The following ZFYVE26 variants were observed in gnomAD, a reference collection of about 807,000 sequenced individuals.
The protein encoded by ZFYVE26 is zinc finger FYVE domain-containing protein 26.
Under a neutral mutation model 276.5 loss-of-function variants are expected in ZFYVE26, and 181 were observed. The ratio of observed to expected loss-of-function variants is 0.65; its 90% confidence interval spans 0.58 to 0.74. ZFYVE26 has a LOEUF of 0.74. ZFYVE26 is among the 30% of genes least tolerant of loss of function. ZFYVE26 has a pLI of 0.00. For missense variants in ZFYVE26, 2,821 were observed against 3,097.9 expected (o/e 0.91, Z 2.12); for synonymous variants, 1,129 against 1,203.1 (o/e 0.94, Z 1.27).
intron 10 of ZFYVE26, chr14:67,799,162 C>T: frequency 6.4e-7 from 1 of 1,559,108 alleles, no homozygotes; most frequent in Non-Finnish European, 8.8e-7. Context: ...CTTTAGAGGA[C>T]ATTCAAGCTT....
chr14:67,760,415 T>G (rs1048619648), intron 35 of ZFYVE26, among the ~76,000 whole-genome samples: 1 of 152,204 alleles, frequency 6.6e-6, no homozygotes, highest in African/African-American at 2.4e-5. Flanking sequence ...TGGATCAATC[T>G]TAGAAAATAT....
Position 67,761,505 on chromosome 14 carries a change from G to A in ZFYVE26, c.6449C>T (p.Pro2150Leu). The change falls in exon 35 of 42, where the codon CCT (proline) becomes CTT (leucine). Residue 2150 changes from proline (P) to leucine (L), a missense_variant. Transcript: ENST00000347230. The stretch of plus-strand genomic sequence containing the variant: ...GGTGTTGTTCATGATTTTCCCTTCA[G>A]GAATCACTGCCAGAGAAAGGCTCTG... ...RTQSLSLAVI[P>L]EGKIMNNTYY... 1 of 1,614,176 alleles carries A rather than the reference G, an allele frequency of 6.2e-7. No homozygotes were observed. Among genetic ancestry groups the A allele is most frequent in the Non-Finnish European group, 8.5e-7 (1 of 1,180,036 alleles).
chr14:67,811,232 G>T (rs2040294708), intron 3 of ZFYVE26, among the ~76,000 whole-genome samples: 1 of 152,170 alleles, frequency 6.6e-6, no homozygotes, highest in Non-Finnish European at 1.5e-5. Flanking sequence ...CCTAAAGACT[G>T]AGTAGATTAT....
chr14:67,784,266 G>A lies in ZFYVE26; in HGVS notation c.3626+68C>T, dbSNP rs768727619. 1.3e-4 allele frequency: 172 copies of A among 1,338,314 alleles called. 1 individual carries two copies. Among genetic ancestry groups the A allele is most frequent in the Non-Finnish European group, 1.6e-4 (152 of 929,614 alleles). 82.9% of individuals were successfully genotyped at this position (1,338,314 alleles called of 1,614,324 possible). A position where few individuals can be genotyped will look rare whatever the true frequency, so the allele number is the denominator to read the frequency against. On this transcript the variant is annotated intron_variant, in intron 20 of 41. Coordinates refer to ENST00000347230, the MANE Select transcript of ZFYVE26 (RefSeq NM_015346.4). ...TGCTAACCCCAAGCACCACCGCACT[G>A]AGCCCTTGGCTATATTGATGAAATC... is the stretch of plus-strand genomic sequence containing the variant.
Position 67,785,199 on chromosome 14 carries a change from T to C in ZFYVE26, c.3383A>G (p.Gln1128Arg). Residue 1128 changes from glutamine to arginine, a missense_variant, in exon 19 of 42, where the codon CAG becomes CGG. Transcript: ENST00000347230. ...CTTCTGGAGGAGCTGAGTCTGGATC[T>C]GCACAGGGTGGGCCTCTGCCTCTGG... ...KAPEAEAHPV[Q>R]IQTQLLQKNL... 2 of 1,614,144 alleles carry C rather than the reference T, an allele frequency of 1.2e-6. No homozygotes were observed. Among genetic ancestry groups the C allele is most frequent in the African/African-American group, 1.3e-5 (1 of 75,056 alleles).
At chr14:67,798,665 A>G (rs1460350057) in intron 10 of ZFYVE26, 43 bp from the exon 11 acceptor site, 6 of 1,611,084 alleles carry the variant, frequency 3.7e-6, no homozygotes, top group Non-Finnish European at 5.1e-6. Context: ...GAAAGAGAAG[A>G]CAGAGAATGC....
At chr14:67,769,505 G>A in intron 29 of ZFYVE26, 89 bp downstream of exon 29, 4 of 1,570,938 alleles carry the variant, frequency 2.5e-6, no homozygotes, top group Non-Finnish European at 2.6e-6. Context: ...GATTTGAAAT[G>A]CTCTCATAAT....
rs2040001177 is a variant in ZFYVE26, at chr14:67,798,291, G to C, written c.1971C>G (p.Tyr657Ter). Residue 657 changes from tyrosine to a stop codon, truncating the protein, a stop_gained, in exon 11 of 42, where the codon TAC becomes TAG. Transcript: ENST00000347230. LOFTEE classifies it high-confidence loss of function. Reference sequence around the variant, plus strand: ...AAAAGCTGTGCCTATGAGGCCCTGGGTAACTGTCTTTTGGCTCTGCCTTCA... The same window carrying C: ...AAAAGCTGTGCCTATGAGGCCCTGGCTAACTGTCTTTTGGCTCTGCCTTCA... The part of the protein sequence containing the change: ...SHVKAEPKDS[Y>*]PGPHRHSFLD... The C allele has an allele frequency of 2.5e-6, 4 of 1,614,174 alleles. No individual in the cohort carries two copies. Among genetic ancestry groups the C allele is most frequent in the Non-Finnish European group, 3.4e-6 (4 of 1,180,022 alleles).
chr14:67,792,469 T>G (rs1018352305), intron 14 of ZFYVE26, among the ~76,000 whole-genome samples: 3 of 152,200 alleles, frequency 2.0e-5, no homozygotes, highest in African/African-American at 7.2e-5. Flanking sequence ...AACCAGGTAT[T>G]ACATTTAACT....
intron 14 of ZFYVE26, among the ~76,000 whole-genome samples, chr14:67,792,663 G>T: frequency 6.6e-6 from 1 of 152,122 alleles, no homozygotes; most frequent in Non-Finnish European, 1.5e-5. Context: ...TGTAATCCCA[G>T]CATTTTGGGA....
intron 16 of ZFYVE26, among the ~76,000 whole-genome samples, chr14:67,787,616 C>T (rs2039691778): frequency 6.6e-6 from 1 of 152,134 alleles, no homozygotes; most frequent in Admixed American, 6.5e-5. Context: ...CACACACACA[C>T]ACAAATTCCT....
intron 6 of ZFYVE26, 57 bp from the exon 7 acceptor site, chr14:67,805,675 T>G: frequency 6.4e-7 from 1 of 1,569,214 alleles, no homozygotes; most frequent in Non-Finnish European, 8.7e-7. Context: ...GAATGGGTTC[T>G]AGCTTACTGC....
rs756963060 is a variant in ZFYVE26 at position 67,772,210 on chromosome 14, C to G, written c.5321G>C (p.Gly1774Ala). ...SAEFSPAAPP[G>A]ISSIHSPSLR... ...ACTAGGGGAATGTATACTGGAGATACCTGGGAGGCAGAGCCAGAGGTCAGA... is the reference window on the plus strand; with the variant it reads ...ACTAGGGGAATGTATACTGGAGATAGCTGGGAGGCAGAGCCAGAGGTCAGA... The change falls in exon 28 of 42, where the codon GGT (glycine) becomes GCT (alanine). Residue 1774 changes from glycine to alanine, a missense_variant and splice_region_variant. By Grantham distance (60) the Gly-to-Ala change is moderately conservative (BLOSUM62 0). Coordinates refer to ENST00000347230, the MANE Select transcript of ZFYVE26 (RefSeq NM_015346.4). 1.2e-6 allele frequency: 2 copies of G among 1,612,098 alleles called. No individual in the cohort carries two copies. The highest frequency in any genetic ancestry group is 1.7e-4 in the Middle Eastern group (1 of 6,026).
chr14:67,750,966 T>G, intron 41 of ZFYVE26, 86 bp downstream of exon 41: 1 of 1,512,094 alleles, frequency 6.6e-7, no homozygotes, highest in Admixed American at 1.7e-5. Flanking sequence ...ATGGAACTAT[T>G]GTGGGGAGCA....
Position 67,748,104 on chromosome 14 carries a change from T to C in ZFYVE26, c.*332A>G, listed in dbSNP as rs148183622. 105 of 322,220 alleles carry C rather than the reference T, an allele frequency of 3.3e-4. No individual in the cohort carries two copies. The highest frequency in any genetic ancestry group is 2.1e-3 in the African/African-American group (100 of 47,656). 20.0% of individuals were successfully genotyped at this position (322,220 alleles called of 1,614,324 possible). ...AGTGCCTCTTTTAAATGGAGAAGAG[T>C]TTCATTTGTTCAGAAATGCTTGGGC... On this transcript the variant is annotated 3_prime_UTR_variant, in exon 42 of 42. Coordinates refer to ENST00000347230, the MANE Select transcript of ZFYVE26 (RefSeq NM_015346.4).
intron 13 of ZFYVE26, chr14:67,734,589 A>G (rs1454566458): frequency 6.2e-6 from 1 of 161,086 alleles, no homozygotes; most frequent in African/African-American, 2.4e-5. Flanking sequence ...GCCTAGGCCT[A>G]GAACTCAGGG....
At chr14:67,799,147 GA>G in intron 10 of ZFYVE26, 1 of 1,532,678 alleles carries the variant, frequency 6.5e-7, no homozygotes, top group Non-Finnish European at 9.0e-7. Context: ...TCTTTAAAAA[GA>G]TATCTTTAGA....
chr14:67,749,122 G>A (rs547742338), intron 41 of ZFYVE26, among the ~76,000 whole-genome samples: 7 of 152,186 alleles, frequency 4.6e-5, no homozygotes, highest in Admixed American at 1.3e-4. Context: ...CACCTAGCAC[G>A]GGGCCTGGCA....
intron 14 of ZFYVE26, among the ~76,000 whole-genome samples, chr14:67,792,910 T>G (rs2039854226): frequency 3.5e-5 from 1 of 28,594 alleles, no homozygotes; most frequent in Non-Finnish European, 6.9e-5. Context: ...AGCAAATCTG[T>G]CTCAAAAAAA....
Sources: gnomAD v4.1 joint callset for allele counts (sites outside exome capture counted in the v4.1 genomes callset) on GRCh38, gnomAD v4.1.1 for gene constraint, MANE v1.5 for transcripts, NCBI Gene and HGNC (gene_info 2026-07-23, HGNC 2026-07-21) for gene names.